Variants in LYN observed in about 807,000 individuals in gnomAD.
The protein encoded by LYN is LYN proto-oncogene, Src family tyrosine kinase, also known as tyrosine-protein kinase Lyn.
Under a neutral mutation model 65.0 loss-of-function variants are expected in LYN, and 12 were observed. The observed-to-expected ratio is 0.18, with a 90% CI of 0.12 to 0.30. The LOEUF (loss-of-function observed/expected upper bound fraction) is 0.30, where lower values mean the gene tolerates loss of function less well. Among genes scored for constraint, LYN ranks in the 10% least tolerant of loss-of-function variants. The pLI is 1.00. For missense variants in LYN, 380 were observed against 623.2 expected (o/e 0.61, Z 4.16); for synonymous variants, 222 against 221.2 (o/e 1.00, Z -0.03).
At chr8:55,942,291 A>ATG (rs1183079720) in intron 2 of LYN, among the ~76,000 whole-genome samples, 2 of 149,180 alleles carry the variant, frequency 1.3e-5, no homozygotes, top group South Asian at 2.1e-4. Context: ...ACACATATAT[A>ATG]TGTGTGTGTG....
chr8:55,914,529 C>G (rs1805732031), intron 1 of LYN, among the ~76,000 whole-genome samples: 1 of 152,108 alleles, frequency 6.6e-6, no homozygotes, highest in South Asian at 2.1e-4. Context: ...GACTAGGGGC[C>G]TGGGTAGGTC....
chr8:55,991,368 G>C (rs1363259152), intron 10 of LYN, among the ~76,000 whole-genome samples: 1 of 152,132 alleles, frequency 6.6e-6, no homozygotes. Flanking sequence ...CCTGACTTAT[G>C]GAAGGCATCT....
At chr8:55,906,719 G>GA (rs1212276312) in intron 1 of LYN, among the ~76,000 whole-genome samples, 1 of 134,894 alleles carries the variant, frequency 7.4e-6, no homozygotes, top group Non-Finnish European at 1.6e-5. Flanking sequence ...CCAAAAAAAA[G>GA]AAAAAGAAAA....
chr8:55,889,100 C>G (rs1804882131), intron 1 of LYN, among the ~76,000 whole-genome samples: 1 of 152,184 alleles, frequency 6.6e-6, no homozygotes, highest in African/African-American at 2.4e-5. Flanking sequence ...TCACTGCAAC[C>G]TCCACCTCCC....
At chr8:55,925,180 T>C (rs1434975465) in intron 1 of LYN, among the ~76,000 whole-genome samples, 1 of 152,174 alleles carries the variant, frequency 6.6e-6, no homozygotes. Flanking sequence ...TAGGGTGCAG[T>C]GGTGCAATCA....
rs938405961 is a variant in LYN at position 55,884,175 on chromosome 8, C to T, written c.-6+4072C>T. On this transcript the variant is annotated intron_variant, in intron 1 of 12. Transcript: ENST00000519728. The stretch of plus-strand genomic sequence containing the variant: ...AGTGCAGTGGTGCAATCTCAGCTCA[C>T]GGCAATCTCCGCCTCCTGGGTTCAA... Among the ~76,000 whole-genome samples the T allele has an allele frequency of 3.9e-5, 6 of 152,198 alleles. No homozygotes were observed. In the East Asian group the frequency reaches 5.8e-4, roughly 15 times the overall value.
chr8:55,952,157 TTATGA>T (rs746293255), intron 7 of LYN, 42 bp downstream of exon 7: 3 of 1,511,626 alleles, frequency 2.0e-6, no homozygotes, highest in Middle Eastern at 1.8e-4. Context: ...GATATATTTG[TTATGA>T]TATGTATAAG....
intron 10 of LYN, among the ~76,000 whole-genome samples, chr8:55,987,531 C>T (rs1349144590): frequency 1.3e-5 from 2 of 152,116 alleles, no homozygotes; most frequent in Non-Finnish European, 2.9e-5. Flanking sequence ...GGGTTCAAGC[C>T]TCAGCTTCCC....
At chr8:55,957,317 G>A (rs942512760) in intron 8 of LYN, among the ~76,000 whole-genome samples, 1 of 152,034 alleles carries the variant, frequency 6.6e-6, no homozygotes. Context: ...CTATATTTTG[G>A]TGTATTTTCC....
At chr8:55,914,550 C>T (rs934191027) in intron 1 of LYN, among the ~76,000 whole-genome samples, 5 of 152,148 alleles carry the variant, frequency 3.3e-5, no homozygotes, top group Non-Finnish European at 7.4e-5. Flanking sequence ...ACAGCCCTGC[C>T]GGCCATCCAC....
chr8:55,927,024 T>A (rs1443872901), intron 1 of LYN, among the ~76,000 whole-genome samples: 2 of 152,198 alleles, frequency 1.3e-5, no homozygotes, highest in Admixed American at 1.3e-4. Flanking sequence ...TATTAACATA[T>A]AATTAACTCC....
chr8:55,992,355 C>T (rs1266618473), intron 10 of LYN, among the ~76,000 whole-genome samples: 2 of 152,172 alleles, frequency 1.3e-5, no homozygotes, highest in African/African-American at 2.4e-5. Context: ...AGCCATGAGG[C>T]CCACAGGGTC....
chr8:55,902,002 G>A (rs1001986096), intron 1 of LYN, among the ~76,000 whole-genome samples: 6 of 145,784 alleles, frequency 4.1e-5, no homozygotes, highest in Non-Finnish European at 9.1e-5. Context: ...TCTAAAAAAC[G>A]TACCTGTACT....
At chr8:55,979,101 G>A (rs1807844851) in intron 10 of LYN, among the ~76,000 whole-genome samples, 1 of 133,930 alleles carries the variant, frequency 7.5e-6, no homozygotes, top group Non-Finnish European at 1.5e-5. Flanking sequence ...GTCACCCACG[G>A]TGGAGTGCAA....
rs550927819 is a variant in LYN, at chr8:55,950,312, A to C, written c.285-147A>C. On this transcript the variant is annotated intron_variant, in intron 4 of 12. Transcript: ENST00000519728. ...GAGTATAGTTGCTGGGTCCTGTGGT[A>C]AGTCTATGTTTTCTTTATTTTTAAT... is the stretch of plus-strand genomic sequence containing the variant. 580 of 567,020 alleles carry C rather than the reference A, an allele frequency of 1.0e-3. 2 individuals are homozygous for C. Among genetic ancestry groups the C allele is most frequent in the Non-Finnish European group, 1.3e-3 (420 of 329,142 alleles). The allele number at this position is 567,020 out of a possible 1,614,324, so 35.1% of individuals were successfully genotyped here. A position where few individuals can be genotyped will look rare whatever the true frequency, so the allele number is the denominator to read the frequency against.
At chr8:55,924,519 A>G (rs981632179) in intron 1 of LYN, among the ~76,000 whole-genome samples, 1 of 151,006 alleles carries the variant, frequency 6.6e-6, no homozygotes. Context: ...TCCACCCACC[A>G]TGCCCGGCTT....
At chr8:55,999,975 C>CA (rs1039330283) in intron 12 of LYN, among the ~76,000 whole-genome samples, 2 of 151,346 alleles carry the variant, frequency 1.3e-5, no homozygotes, top group Admixed American at 6.6e-5. Context: ...CATCTCGAAA[C>CA]AAAAAAAAGA....
chr8:55,890,343 T>C (rs1017407725), intron 1 of LYN, among the ~76,000 whole-genome samples: 2 of 151,908 alleles, frequency 1.3e-5, no homozygotes, highest in African/African-American at 4.8e-5. Flanking sequence ...AAAAAGAAAG[T>C]TGCTTAGGAT....
chr8:55,887,880 G>A (rs1050662775), intron 1 of LYN, among the ~76,000 whole-genome samples: 2 of 152,104 alleles, frequency 1.3e-5, no homozygotes, highest in Non-Finnish European at 2.9e-5. Context: ...GAAATCCGGG[G>A]ATTACAGGCA....
Sources: gnomAD v4.1 joint callset for allele counts (sites outside exome capture counted in the v4.1 genomes callset) on GRCh38, gnomAD v4.1.1 for gene constraint, MANE v1.5 for transcripts, NCBI Gene and HGNC (gene_info 2026-07-23, HGNC 2026-07-21) for gene names.